Variants in CPNE4 observed in about 807,000 individuals in gnomAD.
CPNE4 encodes copine 4.
In CPNE4, 25 loss-of-function variants were observed where a neutral mutation model predicts 67.9. The ratio of observed to expected loss-of-function variants is 0.37; its 90% CI spans 0.27 to 0.51. CPNE4 has a LOEUF of 0.51. Among genes scored for constraint, CPNE4 ranks in the 20% least tolerant of loss-of-function variants. CPNE4 has a pLI of 0.93. For missense variants in CPNE4, 464 were observed against 690.8 expected (o/e 0.67, Z 3.68); for synonymous variants, 242 against 244.9 (o/e 0.99, Z 0.11).
chr3:131,975,299 A>G (rs913936707), intron 1 of CPNE4, among the ~76,000 whole-genome samples: 8 of 152,172 alleles, frequency 5.3e-5, no homozygotes, highest in African/African-American at 1.9e-4. Flanking sequence ...GCCTCCAGGC[A>G]ATATAGGACA....
At chr3:131,886,273 C>A (rs1399679918) in intron 2 of CPNE4, among the ~76,000 whole-genome samples, 1 of 152,196 alleles carries the variant, frequency 6.6e-6, no homozygotes, top group Non-Finnish European at 1.5e-5. Context: ...TGGTGCAAGC[C>A]CCAAGCCTTG....
chr3:131,793,152 T>A (rs1163542191), intron 2 of CPNE4, among the ~76,000 whole-genome samples: 1 of 152,060 alleles, frequency 6.6e-6, no homozygotes, highest in Non-Finnish European at 1.5e-5. Flanking sequence ...GACAACACCT[T>A]AATAACATTT....
intron 10 of CPNE4, among the ~76,000 whole-genome samples, chr3:131,571,961 G>A (rs1254452209): frequency 6.6e-6 from 1 of 151,502 alleles, no homozygotes; most frequent in Non-Finnish European, 1.5e-5. Context: ...AAGTTTATGG[G>A]GGATGCTTTT....
At chr3:131,892,398 C>A (rs2107744269) in intron 2 of CPNE4, among the ~76,000 whole-genome samples, 2 of 152,212 alleles carry the variant, frequency 1.3e-5, no homozygotes, top group African/African-American at 2.4e-5. Flanking sequence ...TGAGGGAATT[C>A]ATCACCAGTA....
intron 3 of CPNE4, among the ~76,000 whole-genome samples, chr3:131,700,534 C>T (rs370302028): frequency 1.2e-4 from 18 of 152,270 alleles, no homozygotes; most frequent in Admixed American, 5.9e-4. Flanking sequence ...AATGCACCTG[C>T]GCAATGACAA....
chr3:131,547,697 T>A (rs1935948525), intron 14 of CPNE4, among the ~76,000 whole-genome samples: 1 of 152,074 alleles, frequency 6.6e-6, no homozygotes, highest in Non-Finnish European at 1.5e-5. Context: ...ATATTCACTA[T>A]TCTAAAGTAA....
chr3:131,662,961 G>A (rs1270644509), intron 7 of CPNE4, among the ~76,000 whole-genome samples: 2 of 152,082 alleles, frequency 1.3e-5, no homozygotes, highest in Admixed American at 6.6e-5. Flanking sequence ...CCTGTTACAG[G>A]TATATACCCA....
At chr3:131,940,341 G>T (rs1012141247) in intron 1 of CPNE4, among the ~76,000 whole-genome samples, 1 of 151,962 alleles carries the variant, frequency 6.6e-6, no homozygotes, top group African/African-American at 2.4e-5. Context: ...ATGCACACAG[G>T]GGAGAGAAAT....
At chr3:131,794,857 G>A (rs936167149) in intron 2 of CPNE4, among the ~76,000 whole-genome samples, 4 of 152,146 alleles carry the variant, frequency 2.6e-5, no homozygotes, top group Non-Finnish European at 5.9e-5. Flanking sequence ...CTGGATGAAA[G>A]CTTGGGGAAT....
At chr3:131,849,932 A>G (rs369086011) in intron 2 of CPNE4, among the ~76,000 whole-genome samples, 22 of 152,248 alleles carry the variant, frequency 1.4e-4, no homozygotes, top group African/African-American at 5.1e-4. Flanking sequence ...TGGCAAATTG[A>G]CACAGTACTA....
At chr3:131,897,394 A>G (rs1243521926) in intron 2 of CPNE4, among the ~76,000 whole-genome samples, 2 of 152,110 alleles carry the variant, frequency 1.3e-5, no homozygotes, top group Non-Finnish European at 2.9e-5. Context: ...GACTTAGCAT[A>G]TGGTGCATAG....
chr3:132,028,388 C>A (rs930035796), intron 1 of CPNE4, among the ~76,000 whole-genome samples: 1 of 152,184 alleles, frequency 6.6e-6, no homozygotes, highest in African/African-American at 2.4e-5. Context: ...TTTCTTTTCA[C>A]CAGTCTGCCT....
At chr3:131,794,206 T>TA (rs1021264486) in intron 2 of CPNE4, among the ~76,000 whole-genome samples, 4 of 151,848 alleles carry the variant, frequency 2.6e-5, no homozygotes, top group African/African-American at 9.7e-5. Flanking sequence ...CTCAAGAAAA[T>TA]ACTCATTGAA....
chr3:131,753,701 T>C (rs990731241), intron 2 of CPNE4, among the ~76,000 whole-genome samples: 1 of 152,066 alleles, frequency 6.6e-6, no homozygotes, highest in Non-Finnish European at 1.5e-5. Context: ...GTTCAAGAAA[T>C]TGCAAATTGA....
chr3:131,655,964 C>G (rs1453322299), intron 7 of CPNE4, among the ~76,000 whole-genome samples: 1 of 151,858 alleles, frequency 6.6e-6, no homozygotes, highest in Non-Finnish European at 1.5e-5. Flanking sequence ...CACAAGGCTA[C>G]TTTCTTTACC....
At chr3:131,540,162 G>A (rs1935394770) in intron 15 of CPNE4, among the ~76,000 whole-genome samples, 3 of 152,174 alleles carry the variant, frequency 2.0e-5, no homozygotes, top group Admixed American at 2.0e-4. Flanking sequence ...AAGATTGACT[G>A]CTGTTGCTGT....
chr3:131,829,325 A>G (rs2085284086), intron 2 of CPNE4, among the ~76,000 whole-genome samples: 1 of 152,210 alleles, frequency 6.6e-6, no homozygotes, highest in Non-Finnish European at 1.5e-5. Context: ...GAAATGGTGT[A>G]TTTTTTGAGA....
intron 1 of CPNE4, among the ~76,000 whole-genome samples, chr3:131,961,148 T>TA (rs1174927652): frequency 6.6e-6 from 1 of 152,354 alleles, no homozygotes; most frequent in African/African-American, 2.4e-5. Context: ...CACGTGAACA[T>TA]ACTTTTGTAG....
intron 2 of CPNE4, among the ~76,000 whole-genome samples, chr3:131,738,159 C>T (rs568642482): frequency 3.3e-5 from 5 of 152,366 alleles, no homozygotes; most frequent in South Asian, 2.1e-4. Flanking sequence ...TTATTGGCCA[C>T]ACTCTGTGGT....
Sources: allele counts gnomAD v4.1 joint callset (sites outside exome capture counted in the v4.1 genomes callset), GRCh38; gene constraint gnomAD v4.1.1; transcripts MANE v1.5; gene names NCBI Gene and HGNC (gene_info 2026-07-23, HGNC 2026-07-21).